ADAMTS18: variants seen among roughly 807,000 people sequenced by gnomAD.
ADAMTS18 encodes A disintegrin and metalloproteinase with thrombospondin motifs 18.
In ADAMTS18, 157 loss-of-function variants were observed where a neutral mutation model predicts 165.9. The observed-to-expected ratio is 0.95, with a 90% CI of 0.83 to 1.08. The LOEUF (loss-of-function observed/expected upper bound fraction) is 1.08. Among genes scored for constraint, ADAMTS18 ranks in the 50% least tolerant of loss-of-function variants. The pLI is 0.00. For missense variants in ADAMTS18, 2,040 were observed against 1,534.0 expected, an observed-to-expected ratio of 1.33 and a Z score of -5.51; for synonymous variants, 782 against 578.2, an observed-to-expected ratio of 1.35 and a Z score of -5.06.
rs967928599 is a variant in ADAMTS18, at chr16:77,283,020, T to G, written c.*936A>C. 5.3e-5 allele frequency: 8 copies of G among 151,384 alleles called. No individual in the cohort carries two copies. The highest frequency in any genetic ancestry group is 8.8e-5 in the Non-Finnish European group (6 of 67,908). 9.4% of individuals were successfully genotyped at this position (151,384 alleles called of 1,614,324 possible). A position where few individuals can be genotyped will look rare whatever the true frequency, so the allele number is the denominator to read the frequency against. On this transcript the variant is annotated 3_prime_UTR_variant, in exon 23 of 23. Coordinates refer to ENST00000282849, the MANE Select transcript of ADAMTS18 (RefSeq NM_199355.4). The stretch of plus-strand genomic sequence containing the variant: ...AATTTTCCAAGCAGCTCTGGTAGTA[T>G]GTACAGAGCATTATAAATGATGGTC...
intron 10 of ADAMTS18, among the ~76,000 whole-genome samples, chr16:77,345,307 C>A (rs2056459661): frequency 1.3e-5 from 2 of 152,182 alleles, no homozygotes; most frequent in South Asian, 4.1e-4. Flanking sequence ...GTTTCACTGT[C>A]CCCATCTCAC....
At position 77,293,134 on chromosome 16, in the gene ADAMTS18, A is replaced by C; in HGVS notation, c.3131T>G (p.Val1044Gly). 1 of 1,613,946 alleles carries C rather than the reference A, an allele frequency of 6.2e-7. No homozygotes were observed. The highest frequency in any genetic ancestry group is 1.1e-5 in the South Asian group (1 of 91,048). ...GCTGTTCTTGGGGCATCGTCCAAGC[A>C]CACAGCCCTCCTGCAGCTCAGGTCT... The part of the protein sequence containing the change: ...LPRPELQEGC[V>G]LGRCPKNSRL... Residue 1044 changes from valine (V) to glycine (G), a missense_variant, in exon 20 of 23, where the codon GTG becomes GGG. Val to Gly is a moderately radical substitution (Grantham distance 109). Coordinates refer to ENST00000282849, the MANE Select transcript of ADAMTS18 (RefSeq NM_199355.4).
rs1194285444 is a variant in ADAMTS18, at chr16:77,364,291, T to A, written c.869A>T (p.Gln290Leu). The change falls in exon 5 of 23, where the codon CAA (glutamine) becomes CTA (leucine). Residue 290 changes from glutamine (Q) to leucine (L), a missense_variant. By Grantham distance (113) the Gln-to-Leu change is moderately radical. Coordinates refer to ENST00000282849, the MANE Select transcript of ADAMTS18 (RefSeq NM_199355.4). ...GAGGGTTTCCACATTGAGGCCCTTT[T>A]GTGATTTTCCAGCTGATCTTCTGGG... ...GRPRRSAGKS[Q>L]KGLNVETLVV... The A allele has an allele frequency of 6.2e-7, 1 of 1,613,868 alleles. No individual in the cohort carries two copies. Among genetic ancestry groups the A allele is most frequent in the South Asian group, 1.1e-5 (1 of 91,072 alleles).
chr16:77,355,831 A>T, intron 9 of ADAMTS18, 109 bp downstream of exon 9: 1 of 1,315,712 alleles, frequency 7.6e-7, no homozygotes, highest in Non-Finnish European at 1.1e-6. Context: ...CTTTCTGTTT[A>T]TTGACAGGTC....
At chr16:77,355,037 C>A (rs919468932) in intron 9 of ADAMTS18, among the ~76,000 whole-genome samples, 2 of 152,078 alleles carry the variant, frequency 1.3e-5, no homozygotes, top group Non-Finnish European at 2.9e-5. Context: ...GTGTATAGAT[C>A]TTACTAATTC....
chr16:77,289,539 G>C (rs1378280650), intron 21 of ADAMTS18, 128 bp from the exon 22 acceptor site: 2 of 1,091,272 alleles, frequency 1.8e-6, no homozygotes, highest in Non-Finnish European at 2.7e-6. Flanking sequence ...GCTGGAGCCA[G>C]GCACATGTGC....
At chr16:77,340,550 T>C (rs566638216) in intron 11 of ADAMTS18, among the ~76,000 whole-genome samples, 9 of 152,246 alleles carry the variant, frequency 5.9e-5, no homozygotes, top group East Asian at 3.9e-4. Context: ...GTTCCCCATA[T>C]CTAGTAATGA....
At chr16:77,290,995 T>A in intron 21 of ADAMTS18, 1 of 509,872 alleles carries the variant, frequency 2.0e-6, no homozygotes. Context: ...AGTGTATAAC[T>A]GGCCTGGTGG....
At chr16:77,428,128 A>G (rs1178450178) in intron 3 of ADAMTS18, among the ~76,000 whole-genome samples, 1 of 152,156 alleles carries the variant, frequency 6.6e-6, no homozygotes, top group Non-Finnish European at 1.5e-5. Context: ...GTCTGGCCCC[A>G]CTCAGAGAAA....
Position 77,359,335 on chromosome 16 carries a change from A to G in ADAMTS18, c.1305T>C (p.Ala435=), listed in dbSNP as rs1280954279. The G allele has an allele frequency of 3.7e-6, 6 of 1,614,008 alleles. No homozygotes were observed. The highest frequency in any genetic ancestry group is 5.1e-6 in the Non-Finnish European group (6 of 1,179,974). The change falls in exon 8 of 23, where the codon GCT becomes GCC. Residue 435 remains alanine, a synonymous_variant. Transcript: ENST00000282849. ...DTGLGLAFTI[A]HESGHNFGMI... is the part of the protein sequence containing the mutation. Reference sequence around the variant, plus strand: ...GCACTTACTTGTGCCCTGACTCATGAGCGATGGTGAAGGCAAGGCCAAGTC... The same window carrying G: ...GCACTTACTTGTGCCCTGACTCATGGGCGATGGTGAAGGCAAGGCCAAGTC...
At position 77,338,249 on chromosome 16, in the gene ADAMTS18, G is replaced by T. The variant is rs192588303; in HGVS notation, c.1711-2345C>A. ...ATTTTTCTTTGTTGTTGTTGTTGTT[G>T]TTTTTAGACAGGTTATCACCCTGTC... On this transcript the variant is annotated intron_variant, in intron 11 of 22. Transcript: ENST00000282849. Among the ~76,000 whole-genome samples, 1,256 of 151,928 alleles carry T rather than the reference G, an allele frequency of 8.3e-3. 20 individuals are homozygous for T. Among genetic ancestry groups the T allele is most frequent in the Admixed American group, 0.028 (427 of 15,250 alleles).
chr16:77,293,119 G>T lies in ADAMTS18; in HGVS notation c.3146C>A (p.Pro1049His), dbSNP rs561262222. The change falls in exon 20 of 23, where the codon CCC (proline) becomes CAC (histidine). Residue 1049 changes from proline (P) to histidine (H), a missense_variant. Physicochemically the swap from Pro to His is moderately conservative, Grantham distance 77 (BLOSUM62 -2). Coordinates refer to ENST00000282849, the MANE Select transcript of ADAMTS18 (RefSeq NM_199355.4). ...LQEGCVLGRC[P>H]KNSRLQWVAS... The stretch of plus-strand genomic sequence containing the variant: ...GACCCACTGTAGCCGGCTGTTCTTG[G>T]GGCATCGTCCAAGCACACAGCCCTC... 6.2e-7 allele frequency: 1 copy of T among 1,613,898 alleles called. No homozygotes were observed. Among genetic ancestry groups the T allele is most frequent in the Non-Finnish European group, 8.5e-7 (1 of 1,179,952 alleles).
chr16:77,424,218 C>A (rs1395338663), intron 3 of ADAMTS18, among the ~76,000 whole-genome samples: 1 of 152,160 alleles, frequency 6.6e-6, no homozygotes, highest in African/African-American at 2.4e-5. Context: ...CCTGTAATCC[C>A]AGCACTTTGG....
chr16:77,312,105 TTTG>T (rs1195258880), intron 16 of ADAMTS18, among the ~76,000 whole-genome samples: 1 of 152,204 alleles, frequency 6.6e-6, no homozygotes, highest in African/African-American at 2.4e-5. Flanking sequence ...ACATCTTATT[TTTG>T]TTGTTGTTGT....
chr16:77,414,909 CCT>C (rs1329472147), intron 3 of ADAMTS18, among the ~76,000 whole-genome samples: 3 of 152,140 alleles, frequency 2.0e-5, no homozygotes, highest in African/African-American at 7.2e-5. Context: ...AACCATGAAG[CCT>C]CTGTCTCCCT....
intron 16 of ADAMTS18, among the ~76,000 whole-genome samples, chr16:77,300,944 T>C (rs900412342): frequency 2.6e-5 from 4 of 152,208 alleles, no homozygotes; most frequent in Non-Finnish European, 4.4e-5. Context: ...CACTTAGAGT[T>C]GCTATCATCA....
intron 22 of ADAMTS18, among the ~76,000 whole-genome samples, chr16:77,285,878 G>A (rs982236677): frequency 1.3e-5 from 2 of 152,102 alleles, no homozygotes; most frequent in East Asian, 1.9e-4. Context: ...TCCTCCAACC[G>A]CTTCCTGGCA....
intron 3 of ADAMTS18, among the ~76,000 whole-genome samples, chr16:77,411,765 C>A (rs1235970583): frequency 7.0e-6 from 1 of 143,186 alleles, no homozygotes; most frequent in South Asian, 2.3e-4. Context: ...TGGCTCACTG[C>A]AACCTCTGCC....
At chr16:77,328,221 C>T (rs997887618) in intron 12 of ADAMTS18, among the ~76,000 whole-genome samples, 17 of 152,142 alleles carry the variant, frequency 1.1e-4, no homozygotes, top group Middle Eastern at 3.2e-3. Context: ...TTGAAAATTA[C>T]GCATAACATC....
Sources: gnomAD v4.1 joint callset for allele counts (sites outside exome capture counted in the v4.1 genomes callset) on GRCh38, gnomAD v4.1.1 for gene constraint, MANE v1.5 for transcripts, NCBI Gene and HGNC (gene_info 2026-07-23, HGNC 2026-07-21) for gene names.